Variants in NOL4L observed in about 807,000 individuals in gnomAD.
NOL4L encodes the protein nucleolar protein 4-like.
Under a neutral mutation model 64.5 loss-of-function variants are expected in NOL4L, and 7 were observed. That is an observed-to-expected ratio of 0.11 (90% CI 0.06 to 0.20). NOL4L has a LOEUF of 0.20. Among genes scored for constraint, NOL4L ranks in the 10% least tolerant of loss-of-function variants. NOL4L has a pLI of 1.00. For synonymous variants in NOL4L, 413 were observed against 401.0 expected (o/e 1.03, Z -0.36); for missense variants, 680 against 967.1 (o/e 0.70, Z 3.94).
At chr20:32,509,984 G>C (rs897035741) in intron 4 of NOL4L, 2 of 1,282,206 alleles carry the variant, frequency 1.6e-6, no homozygotes, top group Non-Finnish European at 2.1e-6. Flanking sequence ...GTGGCAGTGA[G>C]AGGAGACCTA....
chr20:32,447,831 G>T lies in NOL4L; in HGVS notation c.1823-15C>A, dbSNP rs1272468673. ...GTCCGTGGGCCCTGTGGAGAGGGAA[G>T]TAGGGTGAGAAGGGAGCAGCCACCC... is the stretch of plus-strand genomic sequence containing the variant. On this transcript the variant is annotated splice_polypyrimidine_tract_variant and intron_variant, in intron 10 of 10. Coordinates refer to ENST00000621426, the MANE Select transcript of NOL4L (RefSeq NM_001256798.2). The T allele has an allele frequency of 6.5e-7, 1 of 1,533,904 alleles. No homozygotes were observed.
rs991417581 is a variant in NOL4L at position 32,498,655 on chromosome 20, C to T, written c.699+12692G>A. On this transcript the variant is annotated intron_variant, in intron 4 of 10. Coordinates refer to ENST00000621426, the MANE Select transcript of NOL4L (RefSeq NM_001256798.2). The stretch of plus-strand genomic sequence containing the variant: ...GTGTGTGCCTGTAGTTCCAGCTACT[C>T]GGGAGGCTGAGGTGGGAGGATCACT... 2.1e-5 allele frequency among the ~76,000 whole-genome samples: 3 copies of T among 146,076 alleles called. No individual in the cohort carries two copies. The Admixed American group carries it at 2.1e-4, about 10-fold the overall frequency.
At chr20:32,562,325 G>A (rs1218455106) in intron 1 of NOL4L, among the ~76,000 whole-genome samples, 5 of 152,126 alleles carry the variant, frequency 3.3e-5, no homozygotes, top group Non-Finnish European at 7.4e-5. Flanking sequence ...AGTGCTGAAC[G>A]CTGACCCTGA....
At chr20:32,521,737 C>T (rs955511581) in intron 2 of NOL4L, among the ~76,000 whole-genome samples, 5 of 152,122 alleles carry the variant, frequency 3.3e-5, no homozygotes, top group Admixed American at 3.3e-4. Context: ...TTTCCTCTTG[C>T]TCTGGGTTTT....
At chr20:32,465,021 C>A (rs1158659664) in intron 5 of NOL4L, 3 of 627,546 alleles carry the variant, frequency 4.8e-6, no homozygotes, top group Non-Finnish European at 5.8e-6. Context: ...GAAATCATTT[C>A]TCTCTGCAGA....
At chr20:32,495,594 T>A (rs1195377257) in intron 4 of NOL4L, among the ~76,000 whole-genome samples, 1 of 152,008 alleles carries the variant, frequency 6.6e-6, no homozygotes, top group East Asian at 1.9e-4. Context: ...GGTTCCTCCA[T>A]CAAAATGTAA....
chr20:32,570,480 C>A (rs1281437129), intron 1 of NOL4L, among the ~76,000 whole-genome samples: 3 of 152,206 alleles, frequency 2.0e-5, no homozygotes, highest in Admixed American at 2.0e-4. Context: ...TCTTCTGGGG[C>A]CTGGCCAAGG....
At chr20:32,461,737 G>A (rs1024580592) in intron 5 of NOL4L, among the ~76,000 whole-genome samples, 1 of 149,744 alleles carries the variant, frequency 6.7e-6, no homozygotes, top group African/African-American at 2.4e-5. Context: ...TAACACAGTA[G>A]TATTGCAAGG....
intron 3 of NOL4L, among the ~76,000 whole-genome samples, chr20:32,515,613 C>T (rs952587313): frequency 2.0e-5 from 3 of 152,122 alleles, no homozygotes; most frequent in South Asian, 2.1e-4. Flanking sequence ...GTGAGAAAAA[C>T]GCCAGGATGG....
Position 32,453,097 on chromosome 20 carries a change from G to T in NOL4L, c.1498-91C>A. 1.3e-6 allele frequency: 2 copies of T among 1,564,222 alleles called. No individual in the cohort carries two copies. Among genetic ancestry groups the T allele is most frequent in the South Asian group, 1.1e-5 (1 of 88,188 alleles). On this transcript the variant is annotated intron_variant, in intron 8 of 10. Transcript: ENST00000621426. This position sits in a 1 kb window ranked among gnomAD's most constrained non-coding sequence, Gnocchi z 5.6. ...CTGCCCCAGGGGTGGGTGGCACAGG[G>T]TGGGGTTTGGGCTCCAGCGCCTCAG...
intron 1 of NOL4L, among the ~76,000 whole-genome samples, chr20:32,537,882 G>A (rs970061441): frequency 2.6e-5 from 4 of 151,848 alleles, no homozygotes; most frequent in Non-Finnish European, 5.9e-5. Context: ...GGGTTCAAGC[G>A]ATTCTCCTGC....
At chr20:32,474,122 C>T (rs543116634) in intron 5 of NOL4L, among the ~76,000 whole-genome samples, 1 of 152,394 alleles carries the variant, frequency 6.6e-6, no homozygotes, top group South Asian at 2.1e-4. Context: ...CCAGCCGCAT[C>T]GCATCCCAAG....
Position 32,447,119 on chromosome 20 carries a change from A to C in NOL4L, c.*477T>G, listed in dbSNP as rs879334527. The C allele has an allele frequency of 2.4e-6, 1 of 416,108 alleles. No individual in the cohort carries two copies. Among genetic ancestry groups the C allele is most frequent in the Non-Finnish European group, 4.8e-6 (1 of 208,768 alleles). The allele number at this position is 416,108 out of a possible 1,614,324, so 25.8% of individuals were successfully genotyped here. On this transcript the variant is annotated 3_prime_UTR_variant, in exon 11 of 11. Coordinates refer to ENST00000621426, the MANE Select transcript of NOL4L (RefSeq NM_001256798.2). The stretch of plus-strand genomic sequence containing the variant: ...CATCCTTCTGATCAGACAGACACAG[A>C]CTAGCAATCTGTACAAACACAAAAG...
intron 1 of NOL4L, among the ~76,000 whole-genome samples, chr20:32,574,550 CGATT>C (rs1979967412): frequency 6.6e-6 from 1 of 152,164 alleles, no homozygotes; most frequent in African/African-American, 2.4e-5. Context: ...GCCGGAGGCC[CGATT>C]GTGTTTTTCT....
At chr20:32,499,212 G>T (rs978481789) in intron 4 of NOL4L, among the ~76,000 whole-genome samples, 1 of 151,906 alleles carries the variant, frequency 6.6e-6, no homozygotes, top group African/African-American at 2.4e-5. Context: ...GCCCTATTTT[G>T]CATGATACCA....
intron 10 of NOL4L, 68 bp downstream of exon 10, chr20:32,452,168 C>G (rs2012980953): frequency 5.7e-6 from 8 of 1,408,430 alleles, no homozygotes; most frequent in Non-Finnish European, 7.5e-6. Context: ...TTCCGCTGCC[C>G]AGGGCTGCTC....
At chr20:32,481,312 A>C (rs1225973597) in intron 4 of NOL4L, among the ~76,000 whole-genome samples, 1 of 152,186 alleles carries the variant, frequency 6.6e-6, no homozygotes, top group Non-Finnish European at 1.5e-5. Context: ...GTTTCTTTAA[A>C]AGTGAAGCTG....
At chr20:32,527,675 C>A (rs1045913641) in intron 2 of NOL4L, 83 bp downstream of exon 2, 61 of 1,456,906 alleles carry the variant, frequency 4.2e-5, no homozygotes, top group Non-Finnish European at 5.4e-5. Flanking sequence ...CTGCCCCGCC[C>A]CCCAAGCCCA....
chr20:32,564,709 G>A (rs1286099647), intron 1 of NOL4L, among the ~76,000 whole-genome samples: 2 of 152,240 alleles, frequency 1.3e-5, no homozygotes, highest in Non-Finnish European at 2.9e-5. Context: ...AGTTGTGTGG[G>A]CACTGGGGAA....
Sources: gnomAD v4.1 joint callset for allele counts (sites outside exome capture counted in the v4.1 genomes callset) on GRCh38, gnomAD v4.1.1 for gene constraint, Gnocchi (gnomAD v3.1) non-coding constraint, MANE v1.5 for transcripts, NCBI Gene and HGNC (gene_info 2026-07-23, HGNC 2026-07-21) for gene names.